The following NFASC variants were observed in gnomAD, a reference collection of about 807,000 sequenced individuals.
NFASC encodes the protein neurofascin homolog.
Under a neutral mutation model 147.5 loss-of-function variants are expected in NFASC, and 43 were observed. That is an observed-to-expected ratio of 0.29 (90% CI 0.23 to 0.38). The LOEUF (loss-of-function observed/expected upper bound fraction) is 0.38. NFASC is among the 10% of genes least tolerant of loss of function. NFASC has a pLI of 1.00. For missense variants in NFASC, 1,320 were observed against 1,689.0 expected (o/e 0.78, Z 3.83); for synonymous variants, 622 against 665.5 (o/e 0.93, Z 1.01).
At position 204,973,325 on chromosome 1, in the gene NFASC, C is replaced by A; in HGVS notation, c.1185C>A (p.Phe395Leu). The stretch of plus-strand genomic sequence containing the variant: ...AGGTGGCCGGAGACACCATCATCTT[C>A]CGGGACACCCAGATCAGCAGCAGGG... ...NREVAGDTIIFRDTQISSRAV... is the reference protein window; with the variant it reads ...NREVAGDTIILRDTQISSRAV... Residue 395 changes from phenylalanine (F) to leucine (L), a missense_variant, in exon 12 of 30, where the codon TTC (phenylalanine) becomes TTA (leucine). Physicochemically the swap from Phe to Leu is conservative, Grantham distance 22 (BLOSUM62 0). This residue lies in a region of NFASC where 981 missense variants were observed against 1,289.5 expected (regional missense o/e 0.76). Transcript: ENST00000339876. 2 of 1,614,252 alleles carry A rather than the reference C, an allele frequency of 1.2e-6. No homozygotes were observed. The highest frequency in any genetic ancestry group is 1.7e-6 in the Non-Finnish European group (2 of 1,180,046).
At chr1:204,838,462 CCTGA>C (rs1468359729) in intron 1 of NFASC, among the ~76,000 whole-genome samples, 5 of 152,092 alleles carry the variant, frequency 3.3e-5, no homozygotes, top group African/African-American at 1.2e-4. Context: ...TGAGTTTTGC[CCTGA>C]CTTTCTTGTT....
chr1:204,951,194 G>C (rs11240317), intron 4 of NFASC, among the ~76,000 whole-genome samples: 38,118 of 147,176 alleles, frequency 0.26, 5,067 homozygotes, highest in Non-Finnish European at 0.29. Flanking sequence ...TATCGCCCAG[G>C]CTGGAGTACA....
At chr1:204,938,880 A>G (rs2093111078) in intron 2 of NFASC, among the ~76,000 whole-genome samples, 1 of 152,216 alleles carries the variant, frequency 6.6e-6, no homozygotes, top group Admixed American at 6.5e-5. Context: ...AAGAGTGTCC[A>G]GGTGACTCTG....
Position 204,857,672 on chromosome 1 carries a change from C to T in NFASC, c.-200+28890C>T, listed in dbSNP as rs774081997. On this transcript the variant is annotated intron_variant, in intron 1 of 29. Transcript: ENST00000339876. ...ATGTCAGCTGGCTTGAAGGGATGTA[C>T]ACTGCTAGTAGGGTGGTGTTTTTGT... Among the ~76,000 whole-genome samples the T allele has an allele frequency of 1.6e-4, 24 of 152,154 alleles. 1 individual carries two copies. The highest frequency in any genetic ancestry group is 6.3e-3 in the Middle Eastern group (2 of 316).
chr1:204,988,581 C>T (rs1271214755), intron 22 of NFASC, 52 bp from the exon 23 acceptor site: 3 of 1,512,778 alleles, frequency 2.0e-6, no homozygotes, highest in African/African-American at 1.4e-5. Context: ...GATTATATAA[C>T]CCATCAATAA....
chr1:204,912,899 G>A lies in NFASC; in HGVS notation c.-199-7733G>A, dbSNP rs201746565. Among the ~76,000 whole-genome samples, 6 of 151,862 alleles carry A rather than the reference G, an allele frequency of 4.0e-5. No individual in the cohort carries two copies. In the East Asian group the frequency reaches 5.8e-4, roughly 15 times the overall value. The stretch of plus-strand genomic sequence containing the variant: ...AAAAATTAGCTAAGCGTGGTGGCAC[G>A]TGCCTATAATCCCAGCTACTCAGAA... On this transcript the variant is annotated intron_variant, in intron 1 of 29. Transcript: ENST00000339876.
chr1:204,840,314 C>T (rs1224529179), intron 1 of NFASC, among the ~76,000 whole-genome samples: 1 of 152,142 alleles, frequency 6.6e-6, no homozygotes, highest in African/African-American at 2.4e-5. Flanking sequence ...CCAACCTGTA[C>T]CAAATAAATT....
intron 5 of NFASC, 126 bp downstream of exon 5, chr1:204,952,242 T>G (rs1031873863): frequency 7.0e-6 from 5 of 711,774 alleles, no homozygotes; most frequent in African/African-American, 5.3e-5. Flanking sequence ...ATTAGGCACC[T>G]ACTAGGTGGA....
chr1:204,916,457 G>T (rs982102735), intron 1 of NFASC, among the ~76,000 whole-genome samples: 2 of 152,142 alleles, frequency 1.3e-5, no homozygotes, highest in African/African-American at 2.4e-5. Context: ...GCCCTCATTT[G>T]ATCTCTACAG....
chr1:204,838,029 C>T (rs1250547210), intron 1 of NFASC, among the ~76,000 whole-genome samples: 1 of 152,168 alleles, frequency 6.6e-6, no homozygotes, highest in Non-Finnish European at 1.5e-5. Flanking sequence ...CACCTAAAGC[C>T]TCCCCAACAA....
At chr1:204,899,298 A>G (rs1342971140) in intron 1 of NFASC, among the ~76,000 whole-genome samples, 6 of 152,198 alleles carry the variant, frequency 3.9e-5, no homozygotes, top group African/African-American at 1.4e-4. Flanking sequence ...GCCAGTGGAA[A>G]CAGCAACGTC....
At chr1:204,960,384 T>C (rs1280089740) in intron 8 of NFASC, among the ~76,000 whole-genome samples, 1 of 152,360 alleles carries the variant, frequency 6.6e-6, no homozygotes, top group East Asian at 1.9e-4. Flanking sequence ...CGTCCCACTC[T>C]GCCTATGCTG....
At position 204,976,753 on chromosome 1, in the gene NFASC, G is replaced by A. The variant is rs371450457; in HGVS notation, c.1789G>A (p.Glu597Lys). ...CAGTTACACGTGTGTCGCCAGCACC[G>A]AGCTAGACCAAGACCTGGCCAAGGC... ...QGSYTCVAST[E>K]LDQDLAKAYL... The change falls in exon 16 of 30, where the codon GAG becomes AAG. Residue 597 changes from glutamate (E) to lysine (K), a missense_variant. This residue lies in a region of NFASC where 981 missense variants were observed against 1,289.5 expected (regional missense o/e 0.76). Coordinates refer to ENST00000339876, the MANE Select transcript of NFASC (RefSeq NM_001005388.3). 1.4e-5 allele frequency: 22 copies of A among 1,613,952 alleles called. No individual in the cohort carries two copies. Among genetic ancestry groups the A allele is most frequent in the African/African-American group, 2.7e-5 (2 of 74,916 alleles).
intron 8 of NFASC, among the ~76,000 whole-genome samples, chr1:204,962,655 A>C (rs1219360389): frequency 6.6e-6 from 1 of 152,188 alleles, no homozygotes; most frequent in Non-Finnish European, 1.5e-5. Context: ...ACCATTTCAC[A>C]GTGAGGTCCC....
chr1:204,854,785 C>T (rs1244571725), intron 1 of NFASC, among the ~76,000 whole-genome samples: 1 of 152,194 alleles, frequency 6.6e-6, no homozygotes, highest in African/African-American at 2.4e-5. Context: ...TGTTCAGTAC[C>T]CTGGCAAGTC....
chr1:204,978,921 G>A (rs755260727), intron 17 of NFASC, 47 bp from the exon 18 acceptor site: 9 of 1,430,092 alleles, frequency 6.3e-6, no homozygotes. Context: ...TCACAAGGGT[G>A]GACCTGCTCT....
chr1:204,925,189 G>A (rs1398725598), intron 2 of NFASC, among the ~76,000 whole-genome samples: 1 of 152,214 alleles, frequency 6.6e-6, no homozygotes, highest in African/African-American at 2.4e-5. Flanking sequence ...TGCCAGCTAT[G>A]TGCCAGGCCT....
intron 25 of NFASC, chr1:204,999,873 C>T (rs2095936269): frequency 6.6e-6 from 1 of 152,216 alleles, no homozygotes; most frequent in Non-Finnish European, 1.5e-5. Context: ...ACAGTGCCCC[C>T]TTGCATGCTA....
At chr1:204,870,572 G>C (rs896384117) in intron 1 of NFASC, 13 of 714,184 alleles carry the variant, frequency 1.8e-5, no homozygotes, top group Non-Finnish European at 1.9e-5. Context: ...AGCCTGGCCC[G>C]GCCTGGTACG....
Sources: gnomAD v4.1 joint callset for allele counts (sites outside exome capture counted in the v4.1 genomes callset) on GRCh38, gnomAD v4.1.1 for gene constraint, gnomAD v4.1.1 regional missense constraint, MANE v1.5 for transcripts, NCBI Gene and HGNC (gene_info 2026-07-23, HGNC 2026-07-21) for gene names.